PXDN: variants seen among roughly 807,000 people sequenced by gnomAD.
PXDN encodes peroxidasin.
PXDN carries 77 observed loss-of-function variants against 140.3 expected under a neutral mutation model. The ratio of observed to expected loss-of-function variants is 0.55; its 90% CI spans 0.46 to 0.66. The LOEUF (loss-of-function observed/expected upper bound fraction) is 0.66, where lower values mean the gene tolerates loss of function less well. PXDN is among the 30% of genes least tolerant of loss of function. The pLI is 0.00. For synonymous variants in PXDN, 911 were observed against 857.4 expected (o/e 1.06, Z -1.09); for missense variants, 1,838 against 2,039.5 (o/e 0.90, Z 1.90).
chr2:1,639,406 C>A lies in PXDN; in HGVS notation c.3969G>T (p.Gly1323=), dbSNP rs777765711. 27 of 1,613,946 alleles carry A rather than the reference C, an allele frequency of 1.7e-5. No individual in the cohort carries two copies. The highest frequency in any genetic ancestry group is 2.3e-5 in the Non-Finnish European group (27 of 1,179,848). ...QDCCEDCRTR[G]QFNAFSYHFR... ...AATGATAGGAAAAGGCATTGAACTG[C>A]CCCCTGGTCCTACAGTCTAAAATGG... The change falls in exon 20 of 23, where the codon GGG becomes GGT. Residue 1323 remains glycine, a synonymous_variant. Transcript: ENST00000252804. The surrounding 1 kb of genome is among the most constrained non-coding windows in gnomAD (Gnocchi z 5.0).
intron 10 of PXDN, 84 bp downstream of exon 10, chr2:1,666,130 C>T (rs1004069939): frequency 2.6e-5 from 40 of 1,521,134 alleles, no homozygotes; most frequent in Middle Eastern, 1.8e-4. Context: ...TTCTATGGAG[C>T]GTCTGTGGGT....
rs1419682992 is a variant in PXDN at position 1,632,466 on chromosome 2, CAT to C, written c.*1736_*1737del. On this transcript the variant is annotated 3_prime_UTR_variant, in exon 23 of 23. Coordinates refer to ENST00000252804, the MANE Select transcript of PXDN (RefSeq NM_012293.3). This position sits in a 1 kb window ranked among gnomAD's most constrained non-coding sequence, Gnocchi z 4.3. ...GACTTGCTATTTCAAAAGAAGTCCA[CAT>C]GTCATGAAACACCAACCAATTTTTA... 1.3e-5 allele frequency: 2 copies of C among 152,252 alleles called. No homozygotes were observed. The highest frequency in any genetic ancestry group is 4.8e-5 in the African/African-American group (2 of 41,474). The allele number at this position is 152,252 out of a possible 1,614,324, so 9.4% of individuals were successfully genotyped here. A position where few individuals can be genotyped will look rare whatever the true frequency, so the allele number is the denominator to read the frequency against.
At chr2:1,661,639 G>A (rs540199358) in intron 13 of PXDN, among the ~76,000 whole-genome samples, 35 of 152,176 alleles carry the variant, frequency 2.3e-4, no homozygotes, top group Non-Finnish European at 4.0e-4. Context: ...CAGAAACACG[G>A]GTCATGGTGT....
chr2:1,648,936 C>T lies in PXDN; in HGVS notation c.2844G>A (p.Leu948=). The change falls in exon 17 of 23, where the codon CTG becomes CTA. Residue 948 remains leucine, a synonymous_variant. Transcript: ENST00000252804. This position sits in a 1 kb window ranked among gnomAD's most constrained non-coding sequence, Gnocchi z 8.9. ...TGGGCGGCCCGGTGGCGAAGGGGAG[C>T]AGCGGCTTCCCGGACCGCTGCACGA... ...QGIVQRSGKP[L]LPFATGPPTE... 6.2e-7 allele frequency: 1 copy of T among 1,604,452 alleles called. No homozygotes were observed.
intron 14 of PXDN, among the ~76,000 whole-genome samples, chr2:1,658,447 C>T (rs1558494905): frequency 6.6e-6 from 1 of 151,986 alleles, no homozygotes; most frequent in Non-Finnish European, 1.5e-5. Flanking sequence ...AAGCCAACTA[C>T]TGCCAGGCCC....
At chr2:1,719,023 G>A (rs926487996) in intron 1 of PXDN, among the ~76,000 whole-genome samples, 1 of 152,270 alleles carries the variant, frequency 6.6e-6, no homozygotes, top group Non-Finnish European at 1.5e-5. Context: ...CAAGGTCCCT[G>A]CAAAGGCAAA....
chr2:1,661,841 G>A (rs1183801324), intron 13 of PXDN, among the ~76,000 whole-genome samples: 1 of 152,216 alleles, frequency 6.6e-6, no homozygotes, highest in Non-Finnish European at 1.5e-5. Context: ...AGGATGCCCT[G>A]AGTATTTTTA....
At position 1,633,166 on chromosome 2, in the gene PXDN, CTTTTTTTTT is replaced by C. The variant is rs371485291; in HGVS notation, c.*1029_*1037del. On this transcript the variant is annotated 3_prime_UTR_variant, in exon 23 of 23. Transcript: ENST00000252804. ...AAAATACAAATGAGGTATAGGGATT[CTTTTTTTTT>C]TTTTTTTTTAACGCACTCACACAAC... The C allele has an allele frequency of 2.2e-5, 3 of 136,334 alleles. No homozygotes were observed. The highest frequency in any genetic ancestry group is 4.9e-4 in the South Asian group (2 of 4,098). 8.4% of individuals were successfully genotyped at this position (136,334 alleles called of 1,614,324 possible).
rs898499629 is a variant in PXDN, at chr2:1,639,745, C to A, written c.3953-323G>T. Among the ~76,000 whole-genome samples the A allele has an allele frequency of 6.6e-6, 1 of 152,198 alleles. No homozygotes were observed. The highest frequency in any genetic ancestry group is 1.5e-5 in the Non-Finnish European group (1 of 68,036). Reference sequence around the variant, plus strand: ...CTCCACCCACAGATGGAGGCTCAGGCACTCTGCCTCGGAGATCAGAGTCTG... The same window carrying A: ...CTCCACCCACAGATGGAGGCTCAGGAACTCTGCCTCGGAGATCAGAGTCTG... On this transcript the variant is annotated intron_variant, in intron 19 of 22. Coordinates refer to ENST00000252804, the MANE Select transcript of PXDN (RefSeq NM_012293.3). This position sits in a 1 kb window ranked among gnomAD's most constrained non-coding sequence, Gnocchi z 5.0.
chr2:1,729,587 A>C (rs12473595), intron 1 of PXDN, among the ~76,000 whole-genome samples: 34,309 of 151,832 alleles, frequency 0.23, 4,442 homozygotes, highest in East Asian at 0.61. Context: ...TGAGGGATAA[A>C]AGTCTACACG....
At chr2:1,636,484 C>G (rs1329402563) in intron 21 of PXDN, 1 of 152,126 alleles carries the variant, frequency 6.6e-6, no homozygotes, top group African/African-American at 2.4e-5. Context: ...ACACATCATG[C>G]TGAAAAAGGT....
At chr2:1,705,731 A>T (rs538394635) in intron 1 of PXDN, among the ~76,000 whole-genome samples, 1 of 134,216 alleles carries the variant, frequency 7.5e-6, no homozygotes, top group Non-Finnish European at 1.6e-5. Context: ...GCTCCCCACA[A>T]CCTGGGATGC....
At chr2:1,740,913 G>A (rs1572208682) in intron 1 of PXDN, among the ~76,000 whole-genome samples, 1 of 152,256 alleles carries the variant, frequency 6.6e-6, no homozygotes, top group South Asian at 2.1e-4. Context: ...TCTGCAATGC[G>A]ACCTCCCTGA....
chr2:1,734,798 C>T (rs566141726), intron 1 of PXDN, among the ~76,000 whole-genome samples: 56 of 152,242 alleles, frequency 3.7e-4, no homozygotes, highest in African/African-American at 1.0e-3. Context: ...ACCTGGGAGG[C>T]GGAGGTTGCA....
In PXDN at chr2:1,687,421, G is replaced by A. The variant is rs1286189818; in HGVS notation, c.416+211C>T. On this transcript the variant is annotated intron_variant, in intron 4 of 22. Transcript: ENST00000252804. This position sits in a 1 kb window ranked among gnomAD's most constrained non-coding sequence, Gnocchi z 4.0. ...AAGGAAACCAGGGATACGTCCTGAG[G>A]GGTGGGTGGAGGGCTGGCTGGGTGG... Among the ~76,000 whole-genome samples, 3 of 152,234 alleles carry A rather than the reference G, an allele frequency of 2.0e-5. No homozygotes were observed. The highest frequency in any genetic ancestry group is 4.4e-5 in the Non-Finnish European group (3 of 68,040).
chr2:1,652,240 A>G (rs980237678), intron 16 of PXDN, among the ~76,000 whole-genome samples: 11 of 152,188 alleles, frequency 7.2e-5, no homozygotes, highest in Non-Finnish European at 1.3e-4. Context: ...GGGCTGCCAC[A>G]GTAATGTTTA....
chr2:1,743,121 C>T (rs1005178949), intron 1 of PXDN, among the ~76,000 whole-genome samples: 1 of 152,228 alleles, frequency 6.6e-6, no homozygotes, highest in African/African-American at 2.4e-5. Flanking sequence ...CGACTCGCTT[C>T]AGAACACAGG....
intron 7 of PXDN, among the ~76,000 whole-genome samples, chr2:1,679,240 A>C (rs1236209929): frequency 2.3e-5 from 3 of 130,304 alleles, no homozygotes; most frequent in African/African-American, 8.8e-5. Context: ...TGGTGTGTGT[A>C]GATGGCATGT....
chr2:1,651,800 G>A lies in PXDN; in HGVS notation c.2104+1828C>T, dbSNP rs554190498. 3.0e-4 allele frequency among the ~76,000 whole-genome samples: 46 copies of A among 152,316 alleles called. No individual in the cohort carries two copies. The South Asian group carries it at 9.3e-3, about 31-fold the overall frequency. Reference sequence around the variant, plus strand: ...CCTGCTGTTTCTCTCTGGGTCACTCGCTGGGGCTTCTTATGTGCAGGGGCC... The same window carrying A: ...CCTGCTGTTTCTCTCTGGGTCACTCACTGGGGCTTCTTATGTGCAGGGGCC... On this transcript the variant is annotated intron_variant, in intron 16 of 22. Transcript: ENST00000252804. This position sits in a 1 kb window ranked among gnomAD's most constrained non-coding sequence, Gnocchi z 4.4.
Sources: allele counts gnomAD v4.1 joint callset (sites outside exome capture counted in the v4.1 genomes callset), GRCh38; gene constraint gnomAD v4.1.1; non-coding constraint Gnocchi (gnomAD v3.1); transcripts MANE v1.5; gene names NCBI Gene and HGNC (gene_info 2026-07-23, HGNC 2026-07-21).